The following OPTC variants were observed in gnomAD, a reference collection of about 807,000 sequenced individuals.
OPTC encodes opticin, also known as oculoglycan.
OPTC carries 22 observed loss-of-function variants against 25.4 expected under a neutral mutation model. The ratio of observed to expected loss-of-function variants is 0.87; its 90% confidence interval spans 0.62 to 1.24. OPTC has a LOEUF of 1.24. OPTC is among the 50% of genes most tolerant of loss of function. OPTC has a pLI of 0.00. For missense variants in OPTC, 417 were observed against 425.2 expected, an observed-to-expected ratio of 0.98 and a Z score of 0.17; for synonymous variants, 169 against 179.3, an observed-to-expected ratio of 0.94 and a Z score of 0.46.
At position 203,502,967 on chromosome 1, in the gene OPTC, C is replaced by T; in HGVS notation, c.786C>T (p.Ile262=). The change falls in exon 6 of 8, where the codon ATC becomes ATT. Residue 262 remains isoleucine, a synonymous_variant. Transcript: ENST00000367222. ...LYLSDNLLDS[I]PGPLPLSLRS... is the part of the protein sequence containing the mutation. ...TGTCAGACAACCTGCTGGATTCTAT[C>T]CCGGGGCCTTTGCCCCTGAGCCTGC... The T allele has an allele frequency of 6.2e-7, 1 of 1,613,998 alleles. No individual in the cohort carries two copies. Among genetic ancestry groups the T allele is most frequent in the South Asian group, 1.1e-5 (1 of 91,088 alleles).
chr1:203,499,834 C>G lies in OPTC; in HGVS notation c.715C>G (p.Gln239Glu). The change falls in exon 5 of 8, where the codon CAG becomes GAG. Residue 239 changes from glutamine to glutamate, a missense_variant. By Grantham distance (29) the Gln-to-Glu change is conservative (BLOSUM62 2). Transcript: ENST00000367222. ...RLNRLQSSGI[Q>E]PAAFRAMEKL... The stretch of plus-strand genomic sequence containing the variant: ...AAATCGGCTCCAGAGCTCGGGGATA[C>G]AGCCTGCAGCCTTCAGGGTGAGTCA... 1.2e-6 allele frequency: 2 copies of G among 1,611,992 alleles called. No homozygotes were observed. The highest frequency in any genetic ancestry group is 1.1e-5 in the South Asian group (1 of 91,068).
intron 7 of OPTC, among the ~76,000 whole-genome samples, chr1:203,506,571 C>T (rs1661492419): frequency 6.6e-6 from 1 of 152,104 alleles, no homozygotes; most frequent in African/African-American, 2.4e-5. Flanking sequence ...TTGCTGAATA[C>T]AGAAAGTCAC....
intron 7 of OPTC, among the ~76,000 whole-genome samples, chr1:203,504,700 T>G (rs1661448648): frequency 6.6e-6 from 1 of 152,186 alleles, no homozygotes; most frequent in Non-Finnish European, 1.5e-5. Context: ...GATGGAGAAC[T>G]GACACGAATC....
At chr1:203,507,185 C>G (rs1354874952) in intron 7 of OPTC, among the ~76,000 whole-genome samples, 1 of 152,196 alleles carries the variant, frequency 6.6e-6, no homozygotes, top group Non-Finnish European at 1.5e-5. Context: ...TCCTGTTTCT[C>G]AGGTACCTAA....
chr1:203,496,069 C>T lies in OPTC; in HGVS notation c.64C>T (p.Leu22Phe), dbSNP rs1398486607. ...LVLQETGTASLPRKERKRREE... is the reference protein window; with the variant it reads ...LVLQETGTASFPRKERKRREE... ...GCTGCAGGAGACAGGGACAGCTTCT[C>T]TCCCAAGGAAGGAGAGGAAGAGGAG... The change falls in exon 2 of 8, where the codon CTC becomes TTC. Residue 22 changes from leucine to phenylalanine, a missense_variant. Leu to Phe is a conservative substitution (Grantham distance 22). Coordinates refer to ENST00000367222, the MANE Select transcript of OPTC (RefSeq NM_014359.4). 1 of 1,613,968 alleles carries T rather than the reference C, an allele frequency of 6.2e-7. No homozygotes were observed. The highest frequency in any genetic ancestry group is 1.3e-5 in the African/African-American group (1 of 74,914).
chr1:203,496,120 G>C lies in OPTC; in HGVS notation c.115G>C (p.Asp39His). ...RREEQMPREG[D>H]SFEVLPLRND... ...AGAGGAGCAGATGCCCAGGGAAGGC[G>C]ATTCCTTTGAAGTTCTGCCTCTGCG... is the stretch of plus-strand genomic sequence containing the variant. Residue 39 changes from aspartate (D) to histidine (H), a missense_variant, in exon 2 of 8, where the codon GAT becomes CAT. Physicochemically the swap from Asp to His is moderately conservative, Grantham distance 81. Coordinates refer to ENST00000367222, the MANE Select transcript of OPTC (RefSeq NM_014359.4). 1.2e-6 allele frequency: 2 copies of C among 1,614,078 alleles called. No homozygotes were observed. Among genetic ancestry groups the C allele is most frequent in the Non-Finnish European group, 1.7e-6 (2 of 1,179,968 alleles).
chr1:203,494,377 AT>A (rs1327380781), intron 1 of OPTC, among the ~76,000 whole-genome samples, 160 bp downstream of exon 1: 10 of 152,130 alleles, frequency 6.6e-5, no homozygotes, highest in Non-Finnish European at 7.4e-5. Context: ...TCTTAGAAAA[AT>A]TTTTTTTGAG....
chr1:203,505,284 C>T (rs1661461760), intron 7 of OPTC, among the ~76,000 whole-genome samples: 2 of 152,224 alleles, frequency 1.3e-5, no homozygotes, highest in Non-Finnish European at 2.9e-5. Flanking sequence ...TGCTATTCAA[C>T]TCATAAAAGT....
Position 203,502,929 on chromosome 1 carries a change from C to A in OPTC, c.748C>A (p.Gln250Lys). Residue 250 changes from glutamine to lysine, a missense_variant, in exon 6 of 8, where the codon CAG becomes AAG. Physicochemically the swap from Gln to Lys is moderately conservative, Grantham distance 53. Coordinates refer to ENST00000367222, the MANE Select transcript of OPTC (RefSeq NM_014359.4). ...PAAFRAMEKL[Q>K]FLYLSDNLLD... The stretch of plus-strand genomic sequence containing the variant: ...TTCTCCACAGGCAATGGAGAAGCTG[C>A]AGTTCCTTTACCTGTCAGACAACCT... The A allele has an allele frequency of 6.2e-7, 1 of 1,613,910 alleles. No homozygotes were observed. Among genetic ancestry groups the A allele is most frequent in the Non-Finnish European group, 8.5e-7 (1 of 1,179,988 alleles).
rs373783155 is a variant in OPTC, at chr1:203,498,713, G to A, written c.403G>A (p.Gly135Ser). Residue 135 changes from glycine to serine, a missense_variant, in exon 4 of 8, where the codon GGT becomes AGT. By Grantham distance (56) the Gly-to-Ser change is moderately conservative (BLOSUM62 0). Transcript: ENST00000367222. ...LPTCLVCVCL[G>S]SSVYCDDIDL... ...CACCTGCCTGGTCTGCGTGTGCCTC[G>A]GTTCCTCTGTGTATTGCGATGACAT... 5.0e-6 allele frequency: 8 copies of A among 1,614,134 alleles called. No individual in the cohort carries two copies. The highest frequency in any genetic ancestry group is 1.7e-5 in the Admixed American group (1 of 60,020).
intron 4 of OPTC, among the ~76,000 whole-genome samples, chr1:203,499,095 G>T (rs1661326653): frequency 6.6e-6 from 1 of 152,194 alleles, no homozygotes. Context: ...GGTATGATCT[G>T]CCAGCATCTT....
chr1:203,503,080 C>A, intron 6 of OPTC, 71 bp downstream of exon 6: 1 of 1,245,418 alleles, frequency 8.0e-7, no homozygotes, highest in South Asian at 1.2e-5. Flanking sequence ...AGGAGCAGGT[C>A]GTGGCAGAGA....
intron 7 of OPTC, among the ~76,000 whole-genome samples, chr1:203,503,990 T>C (rs997745730): frequency 6.6e-6 from 1 of 152,126 alleles, no homozygotes; most frequent in Non-Finnish European, 1.5e-5. Flanking sequence ...AAAATAGCAG[T>C]GTCTGCAGTG....
chr1:203,494,838 A>G (rs1237217189), intron 1 of OPTC, among the ~76,000 whole-genome samples: 1 of 152,170 alleles, frequency 6.6e-6, no homozygotes, highest in African/African-American at 2.4e-5. Context: ...CCGTCTATAC[A>G]TATACGAACT....
chr1:203,496,047 G>T lies in OPTC; in HGVS notation c.42G>T (p.Leu14=). Residue 14 remains leucine, a synonymous_variant, in exon 2 of 8, where the codon CTG becomes CTT. Coordinates refer to ENST00000367222, the MANE Select transcript of OPTC (RefSeq NM_014359.4). The part of the protein sequence containing the change: ...LAFLSLLALV[L]QETGTASLPR... ...TCCTGAGTCTGCTGGCCTTGGTGCT[G>T]CAGGAGACAGGGACAGCTTCTCTCC... 6.2e-7 allele frequency: 1 copy of T among 1,613,910 alleles called. No homozygotes were observed. Among genetic ancestry groups the T allele is most frequent in the South Asian group, 1.1e-5 (1 of 91,026 alleles).
chr1:203,502,801 A>G (rs1661411265), intron 5 of OPTC, 113 bp from the exon 6 acceptor site: 3 of 827,014 alleles, frequency 3.6e-6, no homozygotes, highest in Non-Finnish European at 6.1e-6. Context: ...GGCTGAGGCT[A>G]AGTGAGCCCT....
At chr1:203,494,810 C>A (rs773774203) in intron 1 of OPTC, among the ~76,000 whole-genome samples, 2 of 152,122 alleles carry the variant, frequency 1.3e-5, no homozygotes, top group Non-Finnish European at 2.9e-5. Flanking sequence ...CAAAACCACA[C>A]CACATGCATT....
At chr1:203,505,065 T>A (rs1558240432) in intron 7 of OPTC, among the ~76,000 whole-genome samples, 1 of 152,146 alleles carries the variant, frequency 6.6e-6, no homozygotes, top group Non-Finnish European at 1.5e-5. Flanking sequence ...GGGTATGTGA[T>A]GGACGGGCTC....
chr1:203,503,239 CATTTT>C (rs1661420908), intron 6 of OPTC, among the ~76,000 whole-genome samples: 1 of 152,294 alleles, frequency 6.6e-6, no homozygotes, highest in Non-Finnish European at 1.5e-5. Context: ...CTCCCTCCAC[CATTTT>C]ATTTTATCTC....
Sources: gnomAD v4.1 joint callset for allele counts (sites outside exome capture counted in the v4.1 genomes callset) on GRCh38, gnomAD v4.1.1 for gene constraint, MANE v1.5 for transcripts, NCBI Gene and HGNC (gene_info 2026-07-23, HGNC 2026-07-21) for gene names.